TEC: variants seen among roughly 807,000 people sequenced by gnomAD.
TEC encodes the protein tec protein tyrosine kinase.
In TEC, 72 loss-of-function variants were observed where a neutral mutation model predicts 93.0. The ratio of observed to expected loss-of-function variants is 0.77; its 90% CI spans 0.64 to 0.94. The LOEUF (loss-of-function observed/expected upper bound fraction) is 0.94, where lower values mean the gene tolerates loss of function less well. TEC is among the 40% of genes least tolerant of loss of function. The probability of loss-of-function intolerance (pLI) is 0.00; values close to 1 mark genes in which losing one functional copy is unlikely to be tolerated. For synonymous variants in TEC, 249 were observed against 247.7 expected, an observed-to-expected ratio of 1.01 and a Z score of -0.05; for missense variants, 630 against 757.9, an observed-to-expected ratio of 0.83 and a Z score of 1.98.
In TEC at chr4:48,163,784, T is replaced by C. The variant is rs912899413; in HGVS notation, c.672-17A>G. 2.9e-6 allele frequency: 4 copies of C among 1,372,598 alleles called. No individual in the cohort carries two copies. The African/African-American group carries it at 4.4e-5, about 15-fold the overall frequency. The allele number at this position is 1,372,598 out of a possible 1,614,324, so 85.0% of individuals were successfully genotyped here. ...CCTTCATTCCTAGAAATAAGAAAAATACTTTAGGTAAACTTACTTTACTGG... is the reference window on the plus strand; with the variant it reads ...CCTTCATTCCTAGAAATAAGAAAAACACTTTAGGTAAACTTACTTTACTGG... On this transcript the variant is annotated splice_polypyrimidine_tract_variant and intron_variant, in intron 7 of 17. Transcript: ENST00000381501.
intron 2 of TEC, among the ~76,000 whole-genome samples, chr4:48,179,905 G>A (rs1177818200): frequency 1.3e-5 from 2 of 152,172 alleles, no homozygotes; most frequent in Non-Finnish European, 2.9e-5. Flanking sequence ...TTAGAAGAAT[G>A]TCTGGCCCAT....
At position 48,227,985 on chromosome 4, in the gene TEC, C is replaced by G. The variant is rs139851514; in HGVS notation, c.138+492G>C. Among the ~76,000 whole-genome samples the G allele has an allele frequency of 2.3e-3, 356 of 152,120 alleles. 1 individual carries two copies. The highest frequency in any genetic ancestry group is 8.1e-3 in the African/African-American group (335 of 41,514). ...TGAGCTGCTTTCTCCCTGCTGCCAT[C>G]GAAGAAACTTTGTAGTAGCTGTTTA... On this transcript the variant is annotated intron_variant, in intron 2 of 17. Transcript: ENST00000381501.
chr4:48,186,905 C>T (rs1721894958), intron 2 of TEC, among the ~76,000 whole-genome samples: 1 of 152,250 alleles, frequency 6.6e-6, no homozygotes, highest in Non-Finnish European at 1.5e-5. Context: ...AGCCCCTCTG[C>T]GTGGCCGCCA....
chr4:48,228,764 G>T, intron 1 of TEC, 105 bp from the exon 2 acceptor site: 1 of 931,050 alleles, frequency 1.1e-6, no homozygotes, highest in Non-Finnish European at 1.6e-6. Context: ...TGCTGGAGCA[G>T]ATGAGTATTG....
At chr4:48,160,532 GCCTGGCCAACATATTGAAAC>G (rs992657524) in intron 8 of TEC, among the ~76,000 whole-genome samples, 2 of 152,046 alleles carry the variant, frequency 1.3e-5, no homozygotes, top group Admixed American at 6.6e-5. Context: ...TTTGAGACCA[GCCTGGCCAACATATTGAAAC>G]CCTGTCTCTA....
intron 4 of TEC, 112 bp from the exon 5 acceptor site, chr4:48,170,488 A>G: frequency 1.3e-6 from 1 of 757,948 alleles, no homozygotes; most frequent in South Asian, 2.2e-5. Flanking sequence ...GTTTACTATA[A>G]GAACGCCCTT....
intron 8 of TEC, among the ~76,000 whole-genome samples, chr4:48,160,493 A>T (rs1454302237): frequency 6.6e-6 from 1 of 152,116 alleles, no homozygotes; most frequent in African/African-American, 2.4e-5. Flanking sequence ...TTGGGAGGCC[A>T]AGGCCAGTGG....
At chr4:48,166,732 C>A (rs1356208483) in intron 7 of TEC, among the ~76,000 whole-genome samples, 1 of 151,780 alleles carries the variant, frequency 6.6e-6, no homozygotes, top group Non-Finnish European at 1.5e-5. Flanking sequence ...CAATCTTATA[C>A]AGCATCCGAT....
intron 1 of TEC, among the ~76,000 whole-genome samples, chr4:48,266,782 G>A (rs1478890111): frequency 6.6e-6 from 1 of 151,232 alleles, no homozygotes; most frequent in Non-Finnish European, 1.5e-5. Flanking sequence ...AGGTTGTGGT[G>A]AGCCAAGATC....
intron 11 of TEC, among the ~76,000 whole-genome samples, chr4:48,146,727 A>C (rs1200367973): frequency 6.6e-6 from 1 of 152,174 alleles, no homozygotes; most frequent in Non-Finnish European, 1.5e-5. Context: ...TAAAAATGGA[A>C]GTTATTCACC....
intron 1 of TEC, among the ~76,000 whole-genome samples, chr4:48,265,356 A>G (rs565583143): frequency 2.1e-4 from 32 of 150,758 alleles, no homozygotes; most frequent in African/African-American, 7.5e-4. Context: ...TAGAGGGGGA[A>G]AAATTACCAA....
chr4:48,225,852 G>A (rs1370962567), intron 2 of TEC, among the ~76,000 whole-genome samples: 2 of 152,202 alleles, frequency 1.3e-5, no homozygotes, highest in East Asian at 1.9e-4. Flanking sequence ...GGATCAAAAC[G>A]CCCAGCTCAT....
intron 9 of TEC, among the ~76,000 whole-genome samples, chr4:48,151,926 G>A (rs775546320): frequency 2.6e-5 from 4 of 152,116 alleles, no homozygotes; most frequent in Non-Finnish European, 4.4e-5. Context: ...TAGACCCTAC[G>A]AACCTCAAAT....
chr4:48,136,565 A>C lies in TEC; in HGVS notation c.*851T>G, dbSNP rs1436304222. 1 of 152,222 alleles carries C rather than the reference A, an allele frequency of 6.6e-6. No individual in the cohort carries two copies. The highest frequency in any genetic ancestry group is 1.5e-5 in the Non-Finnish European group (1 of 68,080). The allele number at this position is 152,222 out of a possible 1,614,324, so 9.4% of individuals were successfully genotyped here. ...CATCTGATTCTGATTAGCTGCGGCC[A>C]CCATGGGCAGGATTACATAGGCCAA... On this transcript the variant is annotated 3_prime_UTR_variant, in exon 18 of 18. Coordinates refer to ENST00000381501, the MANE Select transcript of TEC (RefSeq NM_003215.3).
chr4:48,157,081 AATTT>A (rs1460777900), intron 8 of TEC, among the ~76,000 whole-genome samples: 2 of 152,326 alleles, frequency 1.3e-5, no homozygotes, highest in South Asian at 2.1e-4. Flanking sequence ...CATGTGTCAT[AATTT>A]ATTTAAGCTC....
At chr4:48,230,534 T>G (rs76456214) in intron 1 of TEC, among the ~76,000 whole-genome samples, 163 of 152,340 alleles carry the variant, frequency 1.1e-3, no homozygotes, top group African/African-American at 3.4e-3. Context: ...CAATTGGTCT[T>G]CATTTCCTCA....
chr4:48,231,077 T>C (rs1723631802), intron 1 of TEC, among the ~76,000 whole-genome samples: 1 of 152,232 alleles, frequency 6.6e-6, no homozygotes, highest in Non-Finnish European at 1.5e-5. Flanking sequence ...TACAGATGTC[T>C]AGGCTCCACT....
At chr4:48,239,015 T>A (rs879828215) in intron 1 of TEC, among the ~76,000 whole-genome samples, 1 of 152,226 alleles carries the variant, frequency 6.6e-6, no homozygotes, top group Non-Finnish European at 1.5e-5. Context: ...GAGACAAGTA[T>A]ATTTCTATCT....
intron 8 of TEC, among the ~76,000 whole-genome samples, chr4:48,161,294 T>C (rs942659005): frequency 1.3e-5 from 2 of 152,128 alleles, no homozygotes; most frequent in East Asian, 1.9e-4. Context: ...TCAAAGCCTT[T>C]ATCCTAAGCT....
Sources: allele counts gnomAD v4.1 joint callset (sites outside exome capture counted in the v4.1 genomes callset), GRCh38; gene constraint gnomAD v4.1.1; transcripts MANE v1.5; gene names NCBI Gene and HGNC (gene_info 2026-07-23, HGNC 2026-07-21).